MCTP1: variants seen among roughly 807,000 people sequenced by gnomAD.
The protein encoded by MCTP1 is multiple C2 and transmembrane domain-containing protein 1.
MCTP1 carries 69 observed loss-of-function variants against 120.6 expected under a neutral mutation model. That is an observed-to-expected ratio of 0.57 (90% CI 0.47 to 0.70). The LOEUF (loss-of-function observed/expected upper bound fraction) is 0.70. Ranked by LOEUF, MCTP1 falls within the 30% of genes least tolerant of loss-of-function variation. MCTP1 has a pLI of 0.00. For synonymous variants in MCTP1, 529 were observed against 493.1 expected, an observed-to-expected ratio of 1.07 and a Z score of -0.96; for missense variants, 1,203 against 1,248.8, an observed-to-expected ratio of 0.96 and a Z score of 0.55.
At chr5:94,847,715 G>T (rs905859175) in intron 17 of MCTP1, among the ~76,000 whole-genome samples, 2 of 148,108 alleles carry the variant, frequency 1.4e-5, no homozygotes, top group East Asian at 4.0e-4. Context: ...TGTATGTTGG[G>T]GGTGTAAATT....
In MCTP1 at chr5:94,930,267, A is replaced by ATTT. The variant is rs869306266; in HGVS notation, c.1212+1683_1212+1685dup. 5.4e-3 allele frequency among the ~76,000 whole-genome samples: 542 copies of ATTT among 100,930 alleles called. 1 individual carries two copies. The highest frequency in any genetic ancestry group is 6.4e-3 in the Non-Finnish European group (342 of 53,270). 66.2% of individuals were successfully genotyped at this position (100,930 alleles called of 152,430 possible). On this transcript the variant is annotated intron_variant, in intron 6 of 22. Transcript: ENST00000515393. ...CATTTAATATAATTTTTAAAGAAGA[A>ATTT]TTTTTTTTTTTTTTTTTTTTTTTTG... is the stretch of plus-strand genomic sequence containing the variant.
At chr5:94,842,179 G>A (rs531778686) in intron 17 of MCTP1, among the ~76,000 whole-genome samples, 2 of 152,318 alleles carry the variant, frequency 1.3e-5, no homozygotes, top group African/African-American at 4.8e-5. Flanking sequence ...TTGTGTAAAT[G>A]TGAGAGGAAA....
At chr5:95,070,246 T>A (rs184387779) in intron 1 of MCTP1, among the ~76,000 whole-genome samples, 1 of 152,310 alleles carries the variant, frequency 6.6e-6, no homozygotes, top group Non-Finnish European at 1.5e-5. Context: ...GAGCCCAGCT[T>A]GCCTCTCACC....
At chr5:94,723,881 G>C (rs541706895) in intron 19 of MCTP1, among the ~76,000 whole-genome samples, 1 of 151,852 alleles carries the variant, frequency 6.6e-6, no homozygotes, top group African/African-American at 2.4e-5. Flanking sequence ...GGAAAAAAAA[G>C]AAAAAGTGAG....
chr5:95,173,406 G>C (rs1747582909), intron 1 of MCTP1, among the ~76,000 whole-genome samples: 1 of 152,154 alleles, frequency 6.6e-6, no homozygotes, highest in African/African-American at 2.4e-5. Flanking sequence ...AAATTTATGA[G>C]AGAATGAAAC....
At chr5:95,099,916 A>G (rs981078330) in intron 1 of MCTP1, among the ~76,000 whole-genome samples, 79 of 151,638 alleles carry the variant, frequency 5.2e-4, no homozygotes, top group Middle Eastern at 3.4e-3. Context: ...AATGTGGCAC[A>G]TATACACCAT....
chr5:95,020,554 T>C (rs1191490544), intron 1 of MCTP1, among the ~76,000 whole-genome samples: 1 of 152,080 alleles, frequency 6.6e-6, no homozygotes, highest in Admixed American at 6.6e-5. Context: ...ATCTTGTTTC[T>C]TTGATCTTTG....
intron 6 of MCTP1, among the ~76,000 whole-genome samples, chr5:94,927,374 GA>G (rs1355851568): frequency 3.9e-5 from 6 of 152,068 alleles, no homozygotes; most frequent in African/African-American, 1.2e-4. Context: ...ACAGATTTGG[GA>G]GTACAGACAA....
At chr5:95,240,947 T>C (rs1181667262) in intron 1 of MCTP1, among the ~76,000 whole-genome samples, 1 of 152,082 alleles carries the variant, frequency 6.6e-6, no homozygotes, top group Non-Finnish European at 1.5e-5. Context: ...TTCATTTTAA[T>C]TGAGAGAGAC....
chr5:95,004,565 C>G lies in MCTP1; in HGVS notation c.838+12802G>C, dbSNP rs185379135. Among the ~76,000 whole-genome samples, 518 of 152,340 alleles carry G rather than the reference C, an allele frequency of 3.4e-3. 3 individuals are homozygous for G. Among genetic ancestry groups the G allele is most frequent in the African/African-American group, 0.012 (509 of 41,582 alleles). On this transcript the variant is annotated intron_variant, in intron 2 of 22. Coordinates refer to ENST00000515393, the MANE Select transcript of MCTP1 (RefSeq NM_024717.7). ...AGGGCCCTGCTTCTCTGTGCCACCT[C>G]AGGACATGGCACCCTGCGTCCTAGC... is the stretch of plus-strand genomic sequence containing the variant.
intron 5 of MCTP1, among the ~76,000 whole-genome samples, chr5:94,939,482 C>A (rs928432567): frequency 6.6e-6 from 1 of 151,936 alleles, no homozygotes; most frequent in African/African-American, 2.4e-5. Context: ...TTTTTTAATG[C>A]CACTTCAACT....
At chr5:94,707,665 A>G (rs1755028334) in intron 22 of MCTP1, 98 bp from the exon 23 acceptor site, 2 of 854,726 alleles carry the variant, frequency 2.3e-6, no homozygotes, top group South Asian at 2.8e-5. Context: ...GGGGGAAGAA[A>G]GTGCTCACTC....
chr5:94,859,065 A>G (rs1195293281), intron 17 of MCTP1, among the ~76,000 whole-genome samples: 1 of 151,748 alleles, frequency 6.6e-6, no homozygotes, highest in Admixed American at 6.6e-5. Flanking sequence ...TTTGGAGTCT[A>G]TATGTTAAAC....
At chr5:94,934,250 T>C (rs1815572225) in intron 5 of MCTP1, among the ~76,000 whole-genome samples, 1 of 151,664 alleles carries the variant, frequency 6.6e-6, no homozygotes, top group Admixed American at 6.6e-5. Flanking sequence ...CTGTGAGACA[T>C]GTTAGAGAAG....
intron 1 of MCTP1, among the ~76,000 whole-genome samples, chr5:95,170,963 C>T (rs1383829097): frequency 2.0e-5 from 3 of 151,648 alleles, no homozygotes; most frequent in African/African-American, 7.3e-5. Flanking sequence ...ATGACGTTAG[C>T]TGGTTATTCT....
intron 6 of MCTP1, among the ~76,000 whole-genome samples, chr5:94,925,725 A>G (rs1278550692): frequency 6.6e-6 from 1 of 152,194 alleles, no homozygotes; most frequent in African/African-American, 2.4e-5. Flanking sequence ...ACGTTTTAAA[A>G]TTGCTAAAAG....
chr5:94,773,552 T>C (rs1425600154), intron 19 of MCTP1, among the ~76,000 whole-genome samples: 1 of 152,124 alleles, frequency 6.6e-6, no homozygotes, highest in Non-Finnish European at 1.5e-5. Context: ...TGTAATATGA[T>C]GGTGTATTAG....
At chr5:94,846,815 GTC>G (rs1444938171) in intron 17 of MCTP1, among the ~76,000 whole-genome samples, 6 of 129,194 alleles carry the variant, frequency 4.6e-5, no homozygotes, top group South Asian at 5.4e-4. Flanking sequence ...CTCTGTGTGT[GTC>G]TGTGTGTGTG....
At chr5:94,981,280 A>G (rs544564779) in intron 2 of MCTP1, among the ~76,000 whole-genome samples, 1 of 152,114 alleles carries the variant, frequency 6.6e-6, no homozygotes, top group East Asian at 1.9e-4. Flanking sequence ...CAAGGGACAC[A>G]CTCTTTTTAT....
Sources: allele counts gnomAD v4.1 joint callset (sites outside exome capture counted in the v4.1 genomes callset), GRCh38; gene constraint gnomAD v4.1.1; transcripts MANE v1.5; gene names NCBI Gene and HGNC (gene_info 2026-07-23, HGNC 2026-07-21).